PCDH15: variants seen among roughly 807,000 people sequenced by gnomAD.
PCDH15 encodes the protein protocadherin related 15, also known as protocadherin-15.
PCDH15 carries 129 observed loss-of-function variants against 178.5 expected under a neutral mutation model. The ratio of observed to expected loss-of-function variants is 0.72; its 90% CI spans 0.63 to 0.84. PCDH15 has a LOEUF of 0.84. PCDH15 is among the 40% of genes least tolerant of loss of function. The pLI, the probability that PCDH15 is intolerant of heterozygous loss-of-function variation, is 0.00. For missense variants in PCDH15, 2,230 were observed against 2,099.9 expected, an observed-to-expected ratio of 1.06 and a Z score of -1.21; for synonymous variants, 800 against 732.0, an observed-to-expected ratio of 1.09 and a Z score of -1.50.
chr10:55,381,318 T>C (rs116997301), intron 2 of PCDH15, among the ~76,000 whole-genome samples: 1 of 152,282 alleles, frequency 6.6e-6, no homozygotes, highest in East Asian at 1.9e-4. Flanking sequence ...AGCCAGTACA[T>C]AGCAGACAAC....
chr10:54,548,373 A>T (rs2086123789), intron 2 of PCDH15, among the ~76,000 whole-genome samples: 2 of 148,152 alleles, frequency 1.3e-5, no homozygotes, highest in Admixed American at 1.4e-4. Context: ...TATCTATTGT[A>T]ATTATTTATT....
chr10:55,502,251 G>A (rs756390458), intron 2 of PCDH15, among the ~76,000 whole-genome samples: 9 of 151,184 alleles, frequency 6.0e-5, no homozygotes, highest in Admixed American at 6.6e-5. Flanking sequence ...TCTTTATGCC[G>A]TGCCTACTAA....
At chr10:54,722,579 C>CAAAA (rs34375725) in intron 1 of PCDH15, among the ~76,000 whole-genome samples, 99 of 131,712 alleles carry the variant, frequency 7.5e-4, no homozygotes, top group Non-Finnish European at 1.0e-3. Context: ...CAATTGGGAC[C>CAAAA]AAAAAAAAAA....
At chr10:55,409,861 G>A (rs532864966) in intron 2 of PCDH15, among the ~76,000 whole-genome samples, 5 of 152,170 alleles carry the variant, frequency 3.3e-5, no homozygotes, top group African/African-American at 4.8e-5. Context: ...TATTAAATAC[G>A]CGTACCTAAT....
chr10:55,137,162 A>G (rs1415066748), intron 2 of PCDH15, among the ~76,000 whole-genome samples: 1 of 152,210 alleles, frequency 6.6e-6, no homozygotes, highest in African/African-American at 2.4e-5. Context: ...CATGTACCGC[A>G]TGATATTTCA....
intron 2 of PCDH15, among the ~76,000 whole-genome samples, chr10:55,453,855 G>A (rs1020439854): frequency 3.9e-5 from 6 of 152,000 alleles, no homozygotes; most frequent in South Asian, 2.1e-4. Context: ...ACTATCCCTC[G>A]AGGATATCTC....
At chr10:54,042,225 T>C (rs1398313275) in intron 18 of PCDH15, among the ~76,000 whole-genome samples, 1 of 152,046 alleles carries the variant, frequency 6.6e-6, no homozygotes, top group African/African-American at 2.4e-5. Flanking sequence ...TCCTATTAAT[T>C]AGGACTACTC....
chr10:55,370,305 T>G (rs1325093191), intron 2 of PCDH15, among the ~76,000 whole-genome samples: 1 of 152,098 alleles, frequency 6.6e-6, no homozygotes, highest in Non-Finnish European at 1.5e-5. Flanking sequence ...AGATTGGCTT[T>G]TAAATGACTC....
intron 2 of PCDH15, among the ~76,000 whole-genome samples, chr10:55,577,377 T>C (rs1328383198): frequency 6.6e-6 from 1 of 152,200 alleles, no homozygotes; most frequent in Non-Finnish European, 1.5e-5. Flanking sequence ...TTTACATTTA[T>C]GCAGTTGTTA....
At chr10:55,148,596 T>G (rs1251099625) in intron 2 of PCDH15, among the ~76,000 whole-genome samples, 1 of 151,726 alleles carries the variant, frequency 6.6e-6, no homozygotes, top group Non-Finnish European at 1.5e-5. Context: ...AAATTTAACC[T>G]TTCAGATCTA....
chr10:54,244,571 G>A (rs1458511095), intron 8 of PCDH15, among the ~76,000 whole-genome samples: 2 of 152,158 alleles, frequency 1.3e-5, no homozygotes, highest in African/African-American at 4.8e-5. Context: ...ATCAAAAATC[G>A]TTTTCCACAT....
chr10:54,955,447 T>C (rs971237023), intron 2 of PCDH15, among the ~76,000 whole-genome samples: 1 of 151,312 alleles, frequency 6.6e-6, no homozygotes, highest in African/African-American at 2.4e-5. Flanking sequence ...ATTTCAATAT[T>C]TTTAGATTGA....
At chr10:54,312,384 C>A (rs1481223370) in intron 8 of PCDH15, among the ~76,000 whole-genome samples, 1 of 152,042 alleles carries the variant, frequency 6.6e-6, no homozygotes, top group Non-Finnish European at 1.5e-5. Flanking sequence ...AAGATTGCCA[C>A]AATAACATTT....
intron 26 of PCDH15, among the ~76,000 whole-genome samples, chr10:53,880,124 T>G (rs2080595790): frequency 6.6e-6 from 1 of 152,202 alleles, no homozygotes; most frequent in Non-Finnish European, 1.5e-5. Flanking sequence ...TTCTGAAAAT[T>G]TTACTGAGAA....
upstream of PCDH15, among the ~76,000 whole-genome samples, chr10:54,801,885 G>A (rs568858320): frequency 2.6e-5 from 4 of 152,210 alleles, no homozygotes; most frequent in South Asian, 8.3e-4. Context: ...CCAAAACAAA[G>A]TTTTACAGAT....
intron 20 of PCDH15, among the ~76,000 whole-genome samples, chr10:54,004,141 A>G (rs973970091): frequency 5.9e-5 from 9 of 152,104 alleles, no homozygotes; most frequent in African/African-American, 2.2e-4. Context: ...ATACCTCAAC[A>G]TAATAAAAGT....
intron 2 of PCDH15, among the ~76,000 whole-genome samples, chr10:55,087,369 T>C (rs551319171): frequency 1.9e-4 from 29 of 152,300 alleles, no homozygotes; most frequent in African/African-American, 7.0e-4. Flanking sequence ...AGAAAGAATA[T>C]GAATACATAC....
chr10:55,269,113 C>T (rs1048132569), intron 1 of PCDH15, among the ~76,000 whole-genome samples: 4 of 151,928 alleles, frequency 2.6e-5, no homozygotes, highest in African/African-American at 9.7e-5. Context: ...ATCAACCAAC[C>T]GGACATTGAA....
intron 2 of PCDH15, among the ~76,000 whole-genome samples, chr10:55,605,260 T>C (rs1177615863): frequency 6.6e-6 from 1 of 152,068 alleles, no homozygotes; most frequent in Non-Finnish European, 1.5e-5. Context: ...ATCAATAGCT[T>C]ACCAACCAAA....
Sources: allele counts gnomAD v4.1 joint callset (sites outside exome capture counted in the v4.1 genomes callset), GRCh38; gene constraint gnomAD v4.1.1; transcripts MANE v1.5; gene names NCBI Gene and HGNC (gene_info 2026-07-23, HGNC 2026-07-21).